SYNJ1: variants seen among roughly 807,000 people sequenced by gnomAD.
SYNJ1 encodes the protein synaptojanin 1, also known as polyphosphatidylinositol phosphatase SYNJ1.
In SYNJ1, 78 loss-of-function variants were observed where a neutral mutation model predicts 168.2. The ratio of observed to expected loss-of-function variants is 0.46; its 90% confidence interval spans 0.39 to 0.56. SYNJ1 has a LOEUF of 0.56. SYNJ1 is among the 20% of genes least tolerant of loss of function. SYNJ1 has a pLI of 0.00. For synonymous variants in SYNJ1, 539 were observed against 548.6 expected (o/e 0.98, Z 0.24); for missense variants, 1,303 against 1,597.6 (o/e 0.82, Z 3.14).
Position 32,709,436 on chromosome 21 carries a change from C to T in SYNJ1, c.125-7389G>A, listed in dbSNP as rs375442081. Among the ~76,000 whole-genome samples, 4 of 149,380 alleles carry T rather than the reference C, an allele frequency of 2.7e-5. No individual in the cohort carries two copies. The East Asian group carries it at 7.9e-4, about 30-fold the overall frequency. On this transcript the variant is annotated intron_variant, in intron 2 of 32. Coordinates refer to ENST00000674351, the MANE Select transcript of SYNJ1 (RefSeq NM_203446.3). ...AGGTAGTAGTGAGCCAAGATCACAC[C>T]ACCGCCTTTCCACCCTGGGCGACAC... is the stretch of plus-strand genomic sequence containing the variant.
chr21:32,695,393 A>C, intron 4 of SYNJ1, 111 bp from the exon 5 acceptor site: 2 of 1,047,260 alleles, frequency 1.9e-6, no homozygotes, highest in East Asian at 5.3e-5. Context: ...TTAAAGGCAC[A>C]AACAACAAAT....
Position 32,666,042 on chromosome 21 carries a change from G to C in SYNJ1, c.2046C>G (p.Ser682Arg). 1 of 1,614,092 alleles carries C rather than the reference G, an allele frequency of 6.2e-7. No homozygotes were observed. Among genetic ancestry groups the C allele is most frequent in the East Asian group, 2.2e-5 (1 of 44,868 alleles). The change falls in exon 17 of 33, where the codon AGC becomes AGG. Residue 682 changes from serine (S) to arginine (R), a missense_variant. By Grantham distance (110) the Ser-to-Arg change is moderately radical. Coordinates refer to ENST00000674351, the MANE Select transcript of SYNJ1 (RefSeq NM_203446.3). ...CAAAGTGGCTACAGACGAAGCAAAG[G>C]CTGGTTGTATGGAAGAGCATTCGGA... is the stretch of plus-strand genomic sequence containing the variant. ...VAIRMLFHTT[S>R]LCFVCSHFAA... is the part of the protein sequence containing the mutation.
At chr21:32,683,434 C>T (rs1000481292) in intron 10 of SYNJ1, among the ~76,000 whole-genome samples, 11 of 151,848 alleles carry the variant, frequency 7.2e-5, no homozygotes, top group Admixed American at 5.3e-4. Context: ...GCATTTTCAT[C>T]TGATCCTGTT....
At chr21:32,667,457 T>C (rs1434878227) in intron 15 of SYNJ1, among the ~76,000 whole-genome samples, 1 of 152,220 alleles carries the variant, frequency 6.6e-6, no homozygotes, top group African/African-American at 2.4e-5. Context: ...TATCATCTAA[T>C]AGTTTATACT....
At chr21:32,632,206 TATG>T (rs375669529) in intron 32 of SYNJ1, among the ~76,000 whole-genome samples, 1 of 152,242 alleles carries the variant, frequency 6.6e-6, no homozygotes, top group African/African-American at 2.4e-5. Context: ...AACACCCATC[TATG>T]ATGATGATGT....
intron 27 of SYNJ1, among the ~76,000 whole-genome samples, 196 bp downstream of exon 27, chr21:32,643,214 C>G (rs1170036428): frequency 2.0e-5 from 3 of 151,554 alleles, no homozygotes; most frequent in African/African-American, 7.3e-5. Context: ...AAATGGATAT[C>G]CATTAGAAAC....
intron 10 of SYNJ1, 75 bp downstream of exon 10, chr21:32,683,963 A>G: frequency 7.9e-7 from 1 of 1,266,988 alleles, no homozygotes; most frequent in Admixed American, 1.7e-5. Flanking sequence ...GAAGGTAATA[A>G]GAAACATAAG....
intron 1 of SYNJ1, 55 bp downstream of exon 1, chr21:32,727,891 C>G: frequency 6.5e-7 from 1 of 1,528,030 alleles, no homozygotes; most frequent in Middle Eastern, 2.3e-4. Context: ...TCCGCCCGCC[C>G]GGCTGCCCGT....
intron 18 of SYNJ1, among the ~76,000 whole-genome samples, chr21:32,660,429 C>T (rs950533998): frequency 2.6e-5 from 4 of 152,224 alleles, no homozygotes; most frequent in Admixed American, 6.5e-5. Flanking sequence ...CCCTAAATCC[C>T]GCCACCCTGC....
At position 32,695,257 on chromosome 21, in the gene SYNJ1, T is replaced by C; in HGVS notation, c.505A>G (p.Lys169Glu). Reference sequence around the variant, plus strand: ...TCATCACAATTCACGCCATAGTGTTTGAGATGCAAATGCAAAGACTGATTC... The same window carrying C: ...TCATCACAATTCACGCCATAGTGTTCGAGATGCAAATGCAAAGACTGATTC... ...FWNQSLHLHLKHYGVNCDDWL... is the reference protein window; with the variant it reads ...FWNQSLHLHLEHYGVNCDDWL... The change falls in exon 5 of 33, where the codon AAA (lysine) becomes GAA (glutamate). Residue 169 changes from lysine to glutamate, a missense_variant. By Grantham distance (56) the Lys-to-Glu change is moderately conservative (BLOSUM62 1). Coordinates refer to ENST00000674351, the MANE Select transcript of SYNJ1 (RefSeq NM_203446.3). 6.2e-7 allele frequency: 1 copy of C among 1,614,002 alleles called. No individual in the cohort carries two copies. The highest frequency in any genetic ancestry group is 8.5e-7 in the Non-Finnish European group (1 of 1,179,910).
chr21:32,707,166 C>T (rs1261212700), intron 2 of SYNJ1, among the ~76,000 whole-genome samples: 1 of 151,982 alleles, frequency 6.6e-6, no homozygotes, highest in Non-Finnish European at 1.5e-5. Flanking sequence ...TAAAACACCA[C>T]TTCCCTTCCC....
chr21:32,642,053 G>A, intron 28 of SYNJ1, 42 bp downstream of exon 28: 1 of 1,613,404 alleles, frequency 6.2e-7, no homozygotes, highest in Non-Finnish European at 8.5e-7. Context: ...CTATTTCACG[G>A]TCCAGTTTTA....
upstream of SYNJ1, chr21:32,728,111 G>A (rs1278067506): frequency 1.4e-6 from 2 of 1,471,982 alleles, no homozygotes; most frequent in Non-Finnish European, 9.0e-7. Flanking sequence ...GGGAGACCAC[G>A]CCCACTCTGC....
rs751262506 is a variant in SYNJ1, at chr21:32,638,912, G to C, written c.3911C>G (p.Pro1304Arg). The change falls in exon 31 of 33, where the codon CCG becomes CGG. Residue 1304 changes from proline (P) to arginine (R), a missense_variant. Coordinates refer to ENST00000674351, the MANE Select transcript of SYNJ1 (RefSeq NM_203446.3). ...TGTGTAACAAATGAGACTTACTTGCGGTTGTGAGGAAGCTTCTGAAGGCAA... is the reference window on the plus strand; with the variant it reads ...TGTGTAACAAATGAGACTTACTTGCCGTTGTGAGGAAGCTTCTGAAGGCAA... ...HSLPSEASSQ[P>R]QQEQPSG 1 of 1,594,922 alleles carries C rather than the reference G, an allele frequency of 6.3e-7. No individual in the cohort carries two copies. The highest frequency in any genetic ancestry group is 1.1e-5 in the South Asian group (1 of 89,422).
intron 10 of SYNJ1, 40 bp downstream of exon 10, chr21:32,683,997 CA>C: frequency 1.3e-6 from 2 of 1,546,344 alleles, no homozygotes; most frequent in Non-Finnish European, 1.8e-6. Context: ...CTTAAAGAGG[CA>C]GATGATACAA....
intron 2 of SYNJ1, among the ~76,000 whole-genome samples, chr21:32,725,173 T>A: frequency 6.6e-6 from 1 of 152,114 alleles, no homozygotes; most frequent in East Asian, 1.9e-4. Context: ...TTATGAGTAA[T>A]CATAATTAAA....
chr21:32,634,919 T>A, intron 31 of SYNJ1, 35 bp from the exon 32 acceptor site: 1 of 1,612,566 alleles, frequency 6.2e-7, no homozygotes, highest in Non-Finnish European at 8.5e-7. Flanking sequence ...AAGGAAAGAG[T>A]TAGGAGGACA....
intron 2 of SYNJ1, among the ~76,000 whole-genome samples, chr21:32,707,614 A>G (rs1289972846): frequency 6.6e-6 from 1 of 152,150 alleles, no homozygotes; most frequent in Admixed American, 6.6e-5. Context: ...GATTACAGGC[A>G]TGAGCAACTG....
intron 3 of SYNJ1, 67 bp from the exon 4 acceptor site, chr21:32,700,172 G>T: frequency 6.7e-7 from 1 of 1,491,658 alleles, no homozygotes; most frequent in Non-Finnish European, 9.0e-7. Context: ...ATTTCTTCTT[G>T]CACCTCTATT....
Sources: allele counts gnomAD v4.1 joint callset (sites outside exome capture counted in the v4.1 genomes callset), GRCh38; gene constraint gnomAD v4.1.1; transcripts MANE v1.5; gene names NCBI Gene and HGNC (gene_info 2026-07-23, HGNC 2026-07-21).